Variants in DNM1 observed in about 807,000 individuals in gnomAD.
DNM1 encodes the protein dynamin 1, also known as dynamin-1.
A neutral mutation model predicts 104.6 loss-of-function variants in DNM1; 29 were observed. That is an observed-to-expected ratio of 0.28 (90% CI 0.21 to 0.38). DNM1 has a LOEUF of 0.38. Ranked by LOEUF, DNM1 falls within the 10% of genes least tolerant of loss-of-function variation. DNM1 has a pLI of 1.00. For missense variants in DNM1, 640 were observed against 1,189.4 expected (o/e 0.54, Z 6.79); for synonymous variants, 445 against 475.8 (o/e 0.94, Z 0.84).
At chr9:128,246,922 C>T (rs1836864498) in intron 16 of DNM1, 1 of 249,070 alleles carries the variant, frequency 4.0e-6, no homozygotes, top group Non-Finnish European at 8.0e-6. Flanking sequence ...TCTTCTCCTG[C>T]TCTCTTTCCT....
intron 6 of DNM1, chr9:128,221,027 T>TTCTTTCTTTCTC (rs1214577915): frequency 1.3e-5 from 2 of 148,794 alleles, no homozygotes; most frequent in South Asian, 2.1e-4. Context: ...TTCTTTCTCT[T>TTCTTTCTTTCTC]TCTTTCTTTC....
chr9:128,242,382 T>C, intron 15 of DNM1, 37 bp downstream of exon 15: 1 of 1,227,588 alleles, frequency 8.1e-7, no homozygotes, highest in Non-Finnish European at 1.2e-6. Flanking sequence ...GGGGCTGGGC[T>C]GGTGGACAGA....
At chr9:128,231,671 C>T (rs1835703546) in intron 10 of DNM1, among the ~76,000 whole-genome samples, 1 of 152,184 alleles carries the variant, frequency 6.6e-6, no homozygotes, top group African/African-American at 2.4e-5. Flanking sequence ...ACTCTCATTA[C>T]TGCCAGCCCT....
At chr9:128,231,970 C>T (rs561910544) in intron 10 of DNM1, 26 of 456,404 alleles carry the variant, frequency 5.7e-5, no homozygotes, top group Middle Eastern at 6.7e-4. Flanking sequence ...GAGAGGGGAA[C>T]GTTCCTTTTG....
chr9:128,218,349 C>T lies in DNM1; in HGVS notation c.235+45C>T, dbSNP rs1485278889. The T allele has an allele frequency of 1.5e-5, 24 of 1,602,672 alleles. No individual in the cohort carries two copies. The highest frequency in any genetic ancestry group is 2.0e-5 in the Non-Finnish European group (23 of 1,169,562). On this transcript the variant is annotated intron_variant, in intron 2 of 21. Coordinates refer to ENST00000372923, the MANE Select transcript of DNM1 (RefSeq NM_004408.4). The surrounding 1 kb of genome is among the most constrained non-coding windows in gnomAD (Gnocchi z 4.8). ...AGCAGCCAGGCCTGCCCACTCCAGCCTCTCCCCCGTCCCCAAGCTGAGGGC... is the reference window on the plus strand; with the variant it reads ...AGCAGCCAGGCCTGCCCACTCCAGCTTCTCCCCCGTCCCCAAGCTGAGGGC...
chr9:128,225,840 G>A (rs1009077844), intron 10 of DNM1, among the ~76,000 whole-genome samples: 13 of 152,148 alleles, frequency 8.5e-5, no homozygotes, highest in Admixed American at 3.3e-4. Context: ...CGGGTGGCAA[G>A]GGAGGGCCGG....
At chr9:128,214,728 C>G (rs1834503599) in intron 1 of DNM1, among the ~76,000 whole-genome samples, 2 of 152,208 alleles carry the variant, frequency 1.3e-5, no homozygotes, top group South Asian at 4.1e-4. Context: ...CCAGGCACAG[C>G]CTCCCTGGGA....
At chr9:128,241,807 AAGG>A (rs1836382611) in intron 14 of DNM1, among the ~76,000 whole-genome samples, 2 of 152,330 alleles carry the variant, frequency 1.3e-5, no homozygotes, top group South Asian at 4.1e-4. Context: ...GCCAGGCAAA[AAGG>A]AAAAAGTGCT....
Position 128,247,103 on chromosome 9 carries a change from A to G in DNM1, c.1782-272A>G, listed in dbSNP as rs1321367955. 1.8e-5 allele frequency: 6 copies of G among 326,994 alleles called. No individual in the cohort carries two copies. The highest frequency in any genetic ancestry group is 3.4e-5 in the Non-Finnish European group (6 of 174,322). The allele number at this position is 326,994 out of a possible 1,614,324, so 20.3% of individuals were successfully genotyped here. On this transcript the variant is annotated intron_variant, in intron 16 of 21. Transcript: ENST00000372923. This position sits in a 1 kb window ranked among gnomAD's most constrained non-coding sequence, Gnocchi z 5.1. ...CCCCAAGCTAGAGACTTCACTGACT[A>G]TGGTTGTCCTCTTGTCAAAGGTCCA...
chr9:128,232,239 G>T (rs1835740139), intron 10 of DNM1: 1 of 342,972 alleles, frequency 2.9e-6, no homozygotes, highest in Admixed American at 3.9e-5. Flanking sequence ...CCTCAGAGGA[G>T]GCCTGGTGGC....
At position 128,203,615 on chromosome 9, in the gene DNM1, G is replaced by T; in HGVS notation, c.145G>T (p.Glu49Ter). The change falls in exon 1 of 22, where the codon GAG becomes TAG. Residue 49 changes from glutamate to a stop codon, truncating the protein, a stop_gained. Transcript: ENST00000372923. LOFTEE classifies it high-confidence loss of function. The surrounding 1 kb of genome is among the most constrained non-coding windows in gnomAD (Gnocchi z 5.3). ...GQSAGKSSVL[E>*]NFVGRDFLPR... Reference sequence around the variant, plus strand: ...GAGCGCCGGCAAGAGCTCGGTGCTCGAGAATTTCGTAGGCAGGTAGGCGCG... The same window carrying T: ...GAGCGCCGGCAAGAGCTCGGTGCTCTAGAATTTCGTAGGCAGGTAGGCGCG... 1 of 1,541,060 alleles carries T rather than the reference G, an allele frequency of 6.5e-7. No individual in the cohort carries two copies.
intron 19 of DNM1, 103 bp from the exon 20 acceptor site, chr9:128,250,012 C>T: frequency 7.7e-6 from 12 of 1,563,700 alleles, no homozygotes; most frequent in South Asian, 2.3e-5. Flanking sequence ...GGAGCCGCGT[C>T]TGAAAAGCCA....
chr9:128,243,240 T>C lies in DNM1; in HGVS notation c.1671+895T>C, dbSNP rs1354947462. Among the ~76,000 whole-genome samples the C allele has an allele frequency of 6.6e-6, 1 of 152,180 alleles. No homozygotes were observed. The highest frequency in any genetic ancestry group is 1.5e-5 in the Non-Finnish European group (1 of 68,022). ...TGGTCTCCTTTAAGAATGAGTCTAT[T>C]TGGCTTTCACATCTGGATTCCAGAG... On this transcript the variant is annotated intron_variant, in intron 15 of 21. Coordinates refer to ENST00000372923, the MANE Select transcript of DNM1 (RefSeq NM_004408.4). The surrounding 1 kb of genome is among the most constrained non-coding windows in gnomAD (Gnocchi z 4.0).
intron 15 of DNM1, among the ~76,000 whole-genome samples, chr9:128,242,730 A>G (rs1212221191): frequency 3.9e-5 from 6 of 152,156 alleles, no homozygotes; most frequent in Non-Finnish European, 7.4e-5. Context: ...ATTGCACTCC[A>G]GCCTGGGCAA....
chr9:128,219,036 C>T lies in DNM1; in HGVS notation c.386-13C>T. The T allele has an allele frequency of 1.9e-6, 3 of 1,613,258 alleles. No homozygotes were observed. The highest frequency in any genetic ancestry group is 2.5e-6 in the Non-Finnish European group (3 of 1,179,664). Reference sequence around the variant, plus strand: ...CCCTCGCCTTGAGCCCGCCCTCTCGCCGCCCTGTCCAGTGCTGAACCTGAC... The same window carrying T: ...CCCTCGCCTTGAGCCCGCCCTCTCGTCGCCCTGTCCAGTGCTGAACCTGAC... On this transcript the variant is annotated splice_polypyrimidine_tract_variant and intron_variant, in intron 3 of 21. Transcript: ENST00000372923.
At position 128,248,143 on chromosome 9, in the gene DNM1, A is replaced by C; in HGVS notation, c.1905+208A>C. 1 of 636,608 alleles carries C rather than the reference A, an allele frequency of 1.6e-6. No individual in the cohort carries two copies. The allele number at this position is 636,608 out of a possible 1,614,324, so 39.4% of individuals were successfully genotyped here. On this transcript the variant is annotated intron_variant, in intron 18 of 21. Coordinates refer to ENST00000372923, the MANE Select transcript of DNM1 (RefSeq NM_004408.4). This position sits in a 1 kb window ranked among gnomAD's most constrained non-coding sequence, Gnocchi z 5.6. ...GGAGTTCGAGACCAGCCTGGCCAAC[A>C]CGGTGAAACCCCACCTCTACTAAAA...
rs894165731 is a variant in DNM1, at chr9:128,218,857, G to A, written c.385+126G>A. ...CTGCCTCTGCATCATCCTATTCCAAGCTCCACCCTGCCGTGATTCCGCCCA... is the reference window on the plus strand; with the variant it reads ...CTGCCTCTGCATCATCCTATTCCAAACTCCACCCTGCCGTGATTCCGCCCA... On this transcript the variant is annotated intron_variant, in intron 3 of 21. Transcript: ENST00000372923. This position sits in a 1 kb window ranked among gnomAD's most constrained non-coding sequence, Gnocchi z 4.8. 5.8e-6 allele frequency: 8 copies of A among 1,372,164 alleles called. No individual in the cohort carries two copies. The African/African-American group carries it at 1.0e-4, about 17-fold the overall frequency. 85.0% of individuals were successfully genotyped at this position (1,372,164 alleles called of 1,614,324 possible). A position where few individuals can be genotyped will look rare whatever the true frequency, so the allele number is the denominator to read the frequency against.
Position 128,254,161 on chromosome 9 carries a change from C to T in DNM1, c.2535-493C>T. 7.6e-7 allele frequency: 1 copy of T among 1,309,570 alleles called. No individual in the cohort carries two copies. The highest frequency in any genetic ancestry group is 9.6e-7 in the Non-Finnish European group (1 of 1,036,770). The allele number at this position is 1,309,570 out of a possible 1,614,324, so 81.1% of individuals were successfully genotyped here. ...AGAGGGTCCTGGGTTTTCTGAACAC[C>T]CAGAGGGGCCTCCGGCGCTCCCTCC... On this transcript the variant is annotated intron_variant, in intron 21 of 21. Transcript: ENST00000372923. This position sits in a 1 kb window ranked among gnomAD's most constrained non-coding sequence, Gnocchi z 6.1.
chr9:128,251,932 C>T (rs1273343727), intron 21 of DNM1: 1 of 158,344 alleles, frequency 6.3e-6, no homozygotes, highest in East Asian at 1.9e-4. Context: ...GTCTAGCACC[C>T]ATAAACCAAA....
Sources: allele counts gnomAD v4.1 joint callset (sites outside exome capture counted in the v4.1 genomes callset), GRCh38; gene constraint gnomAD v4.1.1; non-coding constraint Gnocchi (gnomAD v3.1); transcripts MANE v1.5; gene names NCBI Gene and HGNC (gene_info 2026-07-23, HGNC 2026-07-21).